The following LIPH variants were observed in gnomAD, a reference collection of about 807,000 sequenced individuals.
LIPH encodes the protein lipase member H.
LIPH carries 32 observed loss-of-function variants against 47.6 expected under a neutral mutation model. The ratio of observed to expected loss-of-function variants is 0.67; its 90% CI spans 0.51 to 0.90. LIPH has a LOEUF of 0.90. LIPH is among the 40% of genes least tolerant of loss of function. The probability of loss-of-function intolerance (pLI) is 0.00; values close to 1 mark genes in which losing one functional copy is unlikely to be tolerated. For synonymous variants in LIPH, 190 were observed against 195.6 expected, an observed-to-expected ratio of 0.97 and a Z score of 0.24; for missense variants, 497 against 541.4, an observed-to-expected ratio of 0.92 and a Z score of 0.81.
At chr3:185,511,817 G>A in intron 8 of LIPH, 120 bp from the exon 9 acceptor site, 2 of 597,900 alleles carry the variant, frequency 3.3e-6, no homozygotes. Context: ...TGCACCAGCT[G>A]ACTTTTTTTT....
chr3:185,538,236 T>C (rs1199192087), intron 1 of LIPH, among the ~76,000 whole-genome samples: 1 of 152,238 alleles, frequency 6.6e-6, no homozygotes, highest in East Asian at 1.9e-4. Flanking sequence ...GCTTTACATA[T>C]ATTATCTCTC....
chr3:185,518,916 G>A (rs578047938), intron 6 of LIPH, among the ~76,000 whole-genome samples: 12 of 150,356 alleles, frequency 8.0e-5, no homozygotes, highest in African/African-American at 2.7e-4. Context: ...TAGAGACAGG[G>A]ATTCACCATT....
intron 5 of LIPH, among the ~76,000 whole-genome samples, chr3:185,521,782 G>A (rs986250680): frequency 6.6e-6 from 1 of 152,182 alleles, no homozygotes; most frequent in African/African-American, 2.4e-5. Flanking sequence ...GAACCACACA[G>A]ATGAGACAGT....
intron 1 of LIPH, among the ~76,000 whole-genome samples, chr3:185,538,765 ATG>A (rs373741463): frequency 2.7e-4 from 2 of 7,444 alleles, no homozygotes; most frequent in Admixed American, 1.9e-3. Flanking sequence ...ATACATATAT[ATG>A]TACATATATA....
At position 185,545,552 on chromosome 3, in the gene LIPH, C is replaced by A. The variant is rs543603942; in HGVS notation, c.49+6871G>T. ...AGCTGAAAATATTTACTCTCTGGCT[C>A]TTTACAGAAAATGTTTGCCAACCCT... On this transcript the variant is annotated intron_variant, in intron 1 of 9. Transcript: ENST00000296252. 3.2e-4 allele frequency among the ~76,000 whole-genome samples: 48 copies of A among 152,318 alleles called. No individual in the cohort carries two copies. In the South Asian group the frequency reaches 9.9e-3, roughly 32 times the overall value.
chr3:185,512,611 C>T (rs565366511), intron 8 of LIPH, among the ~76,000 whole-genome samples: 3 of 151,288 alleles, frequency 2.0e-5, no homozygotes, highest in South Asian at 2.1e-4. Context: ...GCCTCAGCCT[C>T]GCGAGTAGCT....
At position 185,511,730 on chromosome 3, in the gene LIPH, A is replaced by T. The variant is rs752515587; in HGVS notation, c.1095-33T>A. ...GAAGAAGTAATACTGAAAAATGGAT[A>T]AAGACTACTAATGAGAGAAAGCAGT... On this transcript the variant is annotated intron_variant, in intron 8 of 9. Coordinates refer to ENST00000296252, the MANE Select transcript of LIPH (RefSeq NM_139248.3). 22 of 1,500,938 alleles carry T rather than the reference A, an allele frequency of 1.5e-5. 2 individuals carry two copies. In the South Asian group the frequency reaches 2.5e-4, roughly 17 times the overall value. 93.0% of individuals were successfully genotyped at this position (1,500,938 alleles called of 1,614,324 possible).
intron 1 of LIPH, among the ~76,000 whole-genome samples, chr3:185,550,840 TTATAGG>T (rs1721027624): frequency 6.6e-6 from 1 of 152,112 alleles, no homozygotes; most frequent in Non-Finnish European, 1.5e-5. Flanking sequence ...AGTGCTGGGA[TTATAGG>T]CATGAGCCAC....
At chr3:185,523,871 C>G (rs754581092) in intron 5 of LIPH, among the ~76,000 whole-genome samples, 200 bp downstream of exon 5, 1 of 151,830 alleles carries the variant, frequency 6.6e-6, no homozygotes, top group Admixed American at 6.6e-5. Flanking sequence ...TACAGGCATG[C>G]GTCACCACAC....
intron 2 of LIPH, among the ~76,000 whole-genome samples, chr3:185,534,292 G>T (rs1486474517): frequency 6.6e-6 from 1 of 151,906 alleles, no homozygotes; most frequent in African/African-American, 2.4e-5. Context: ...GTAGGCAAAG[G>T]TTGCGGTGAG....
chr3:185,533,501 G>A (rs1720400769), intron 3 of LIPH, 70 bp downstream of exon 3: 3 of 979,860 alleles, frequency 3.1e-6, no homozygotes, highest in Non-Finnish European at 5.0e-6. Context: ...AGTTGGATTG[G>A]CCTACATAAT....
intron 9 of LIPH, among the ~76,000 whole-genome samples, chr3:185,510,424 CCTCTTTCTCTGTTTCTCT>C (rs1467290242): frequency 6.6e-6 from 1 of 152,144 alleles, no homozygotes; most frequent in African/African-American, 2.4e-5. Context: ...TCCTTCTCGC[CCTCTTTCTCTGTTTCTCT>C]CTCTTTCTCT....
chr3:185,529,176 C>CAAAAAAAAAAAA (rs1173804674), intron 3 of LIPH, among the ~76,000 whole-genome samples: 2 of 54,440 alleles, frequency 3.7e-5, no homozygotes, highest in African/African-American at 8.1e-5. Context: ...GACTCCGTCT[C>CAAAAAAAAAAAA]AAAAAAAAAA....
chr3:185,549,693 C>T (rs1446126434), intron 1 of LIPH, among the ~76,000 whole-genome samples: 1 of 152,034 alleles, frequency 6.6e-6, no homozygotes, highest in Non-Finnish European at 1.5e-5. Context: ...ACAGACAGGG[C>T]GGGAAAATTT....
At chr3:185,550,579 AT>A (rs1421140075) in intron 1 of LIPH, among the ~76,000 whole-genome samples, 3 of 151,706 alleles carry the variant, frequency 2.0e-5, no homozygotes, top group Non-Finnish European at 2.9e-5. Flanking sequence ...ATTATTATAT[AT>A]TTTTTTTGAG....
chr3:185,511,268 G>C (rs142118017), intron 9 of LIPH, among the ~76,000 whole-genome samples: 1 of 151,460 alleles, frequency 6.6e-6, no homozygotes, highest in Non-Finnish European at 1.5e-5. Context: ...GTCTCCATAC[G>C]TTGCCCAGGC....
intron 1 of LIPH, chr3:185,547,023 T>G (rs1208057820): frequency 5.0e-6 from 2 of 400,956 alleles, no homozygotes; most frequent in Non-Finnish European, 9.6e-6. Flanking sequence ...AATTCTGAGA[T>G]TCTACGATAG....
intron 3 of LIPH, among the ~76,000 whole-genome samples, chr3:185,532,344 T>C (rs1332430922): frequency 6.6e-6 from 1 of 151,098 alleles, no homozygotes; most frequent in East Asian, 1.9e-4. Context: ...AGACTCCATC[T>C]CTACAAAAAA....
At chr3:185,515,506 A>G (rs1719703251) in intron 7 of LIPH, among the ~76,000 whole-genome samples, 1 of 149,148 alleles carries the variant, frequency 6.7e-6, no homozygotes, top group Non-Finnish European at 1.5e-5. Flanking sequence ...AAACCCAGTG[A>G]TCTGCAGGCT....
Sources: gnomAD v4.1 joint callset for allele counts (sites outside exome capture counted in the v4.1 genomes callset) on GRCh38, gnomAD v4.1.1 for gene constraint, MANE v1.5 for transcripts, NCBI Gene and HGNC (gene_info 2026-07-23, HGNC 2026-07-21) for gene names.